RABGAP1L: variants seen among roughly 807,000 people sequenced by gnomAD.
RABGAP1L encodes the protein rab GTPase-activating protein 1-like.
RABGAP1L carries 63 observed loss-of-function variants against 137.7 expected under a neutral mutation model. The observed-to-expected ratio is 0.46, with a 90% CI of 0.37 to 0.56. RABGAP1L has a LOEUF of 0.56. Ranked by LOEUF, RABGAP1L falls within the 20% of genes least tolerant of loss-of-function variation. The pLI, the probability that RABGAP1L is intolerant of heterozygous loss-of-function variation, is 0.00. For missense variants in RABGAP1L, 1,095 were observed against 1,244.0 expected (o/e 0.88, Z 1.80); for synonymous variants, 431 against 433.7 (o/e 0.99, Z 0.08).
chr1:174,925,304 C>T (rs1265209470), intron 19 of RABGAP1L, among the ~76,000 whole-genome samples: 2 of 140,828 alleles, frequency 1.4e-5, no homozygotes, highest in African/African-American at 5.3e-5. Context: ...GCCGAGATCA[C>T]GCCACTGCAC....
chr1:174,841,895 G>T (rs1319361600), intron 19 of RABGAP1L, among the ~76,000 whole-genome samples: 1 of 148,776 alleles, frequency 6.7e-6, no homozygotes, highest in Non-Finnish European at 1.5e-5. Context: ...CCTTTATTTT[G>T]TCATGTGAAA....
intron 11 of RABGAP1L, among the ~76,000 whole-genome samples, chr1:174,350,638 C>A (rs1304376687): frequency 5.1e-4 from 22 of 43,520 alleles, no homozygotes; most frequent in African/African-American, 2.0e-3. Flanking sequence ...CTCCTCACAT[C>A]CCAGACGATG....
chr1:174,640,655 A>G (rs920801148), intron 14 of RABGAP1L, among the ~76,000 whole-genome samples: 3 of 152,116 alleles, frequency 2.0e-5, no homozygotes, highest in Admixed American at 2.0e-4. Flanking sequence ...CTGAATAAAC[A>G]TTAATAACAC....
chr1:174,327,984 CACATATATATATATATATATATATAT>C (rs1307440784), intron 11 of RABGAP1L, among the ~76,000 whole-genome samples: 28 of 37,864 alleles, frequency 7.4e-4, no homozygotes, highest in Middle Eastern at 0.013. Flanking sequence ...TATATACACA[CACATATATATATATATATATATATAT>C]ATATATATAT....
intron 17 of RABGAP1L, among the ~76,000 whole-genome samples, chr1:174,726,461 A>G (rs1681991816): frequency 6.6e-6 from 1 of 151,608 alleles, no homozygotes; most frequent in Non-Finnish European, 1.5e-5. Flanking sequence ...TATTTTTCAC[A>G]TAATTTTGTT....
rs1647787228 is a variant in RABGAP1L, at chr1:174,395,880, T to C, written c.1710+1735T>C. ...AGAAAGAATACCTAGAGAAAGTAGA[T>C]ATTTCCTAGCCAAATTTCAACAAAA... On this transcript the variant is annotated intron_variant, in intron 13 of 25. Coordinates refer to ENST00000681986, the MANE Select transcript of RABGAP1L (RefSeq NM_001366446.1). Among the ~76,000 whole-genome samples the C allele has an allele frequency of 2.0e-5, 3 of 150,484 alleles. 1 individual carries two copies. The South Asian group carries it at 6.3e-4, about 32-fold the overall frequency.
intron 14 of RABGAP1L, among the ~76,000 whole-genome samples, chr1:174,645,525 C>T (rs868437526): frequency 6.6e-6 from 1 of 152,122 alleles, no homozygotes; most frequent in South Asian, 2.1e-4. Flanking sequence ...CAGCTTCATC[C>T]ATGTCCCTGC....
At chr1:174,659,934 G>C (rs927663467) in intron 14 of RABGAP1L, among the ~76,000 whole-genome samples, 1 of 152,062 alleles carries the variant, frequency 6.6e-6, no homozygotes, top group African/African-American at 2.4e-5. Flanking sequence ...GGTAATACCT[G>C]TTGTCTACCA....
intron 15 of RABGAP1L, among the ~76,000 whole-genome samples, chr1:174,684,224 G>T (rs534296437): frequency 1.3e-5 from 2 of 152,268 alleles, no homozygotes; most frequent in South Asian, 4.1e-4. Flanking sequence ...TGATACACAG[G>T]TTAAGAGAAT....
At chr1:174,213,632 A>T (rs1669069156) in intron 1 of RABGAP1L, among the ~76,000 whole-genome samples, 1 of 152,220 alleles carries the variant, frequency 6.6e-6, no homozygotes, top group African/African-American at 2.4e-5. Context: ...AATTGATCAC[A>T]ATCAGTGGGA....
chr1:174,306,931 A>C (rs1678320869), intron 11 of RABGAP1L, among the ~76,000 whole-genome samples: 1 of 152,200 alleles, frequency 6.6e-6, no homozygotes, highest in Admixed American at 6.5e-5. Context: ...AAAGCATCTT[A>C]GAATTCTCAG....
chr1:174,282,001 A>G (rs1675609625), intron 10 of RABGAP1L, among the ~76,000 whole-genome samples: 1 of 152,164 alleles, frequency 6.6e-6, no homozygotes, highest in South Asian at 2.1e-4. Context: ...GTTGTATGTC[A>G]GTTGTTAATC....
intron 19 of RABGAP1L, among the ~76,000 whole-genome samples, chr1:174,844,306 A>G (rs1160915641): frequency 7.8e-6 from 1 of 128,226 alleles, no homozygotes; most frequent in African/African-American, 3.0e-5. Context: ...GCCCACACCT[A>G]TGTCCTGAAT....
At chr1:174,911,996 A>G (rs2149198917) in intron 19 of RABGAP1L, among the ~76,000 whole-genome samples, 1 of 152,340 alleles carries the variant, frequency 6.6e-6, no homozygotes, top group South Asian at 2.1e-4. Context: ...ACTCAAAGAT[A>G]TGCCCAAAGA....
In RABGAP1L at chr1:174,314,765, C is replaced by T. The variant is rs193100506; in HGVS notation, c.1465+9638C>T. Reference sequence around the variant, plus strand: ...CATTGACCCACTGGTCGTTCAGGAGCGTATTGTTTAATTTCTCTGTATTTG... The same window carrying T: ...CATTGACCCACTGGTCGTTCAGGAGTGTATTGTTTAATTTCTCTGTATTTG... On this transcript the variant is annotated intron_variant, in intron 11 of 25. Transcript: ENST00000681986. Among the ~76,000 whole-genome samples the T allele has an allele frequency of 1.2e-3, 177 of 152,210 alleles. 1 individual carries two copies. Among genetic ancestry groups the T allele is most frequent in the African/African-American group, 4.2e-3 (173 of 41,544 alleles).
chr1:174,412,043 C>G (rs1446650306), intron 13 of RABGAP1L, among the ~76,000 whole-genome samples: 1 of 152,076 alleles, frequency 6.6e-6, no homozygotes, highest in South Asian at 2.1e-4. Flanking sequence ...TGTTAGTTTT[C>G]TGCTTTGATG....
At chr1:174,393,538 A>G (rs1647426505) in intron 12 of RABGAP1L, among the ~76,000 whole-genome samples, 1 of 152,124 alleles carries the variant, frequency 6.6e-6, no homozygotes, top group African/African-American at 2.4e-5. Flanking sequence ...GGCCTCAGAG[A>G]AGTGGGTATA....
chr1:174,465,193 C>T (rs965257338), intron 13 of RABGAP1L, among the ~76,000 whole-genome samples: 3 of 152,040 alleles, frequency 2.0e-5, no homozygotes, highest in Admixed American at 1.3e-4. Context: ...ATTCATTCAG[C>T]GAATATTTAT....
chr1:174,701,775 G>A (rs971560419), intron 16 of RABGAP1L, among the ~76,000 whole-genome samples: 2 of 151,624 alleles, frequency 1.3e-5, no homozygotes, highest in African/African-American at 4.8e-5. Flanking sequence ...AACCCTGAAT[G>A]GGGATGCTAT....
Sources: allele counts gnomAD v4.1 joint callset (sites outside exome capture counted in the v4.1 genomes callset), GRCh38; gene constraint gnomAD v4.1.1; transcripts MANE v1.5; gene names NCBI Gene and HGNC (gene_info 2026-07-23, HGNC 2026-07-21).